Variants in RNF216 observed in about 807,000 individuals in gnomAD.
RNF216 encodes E3 ubiquitin-protein ligase RNF216.
RNF216 carries 72 observed loss-of-function variants against 110.8 expected under a neutral mutation model. The ratio of observed to expected loss-of-function variants is 0.65; its 90% CI spans 0.54 to 0.79. RNF216 has a LOEUF of 0.79. Among genes scored for constraint, RNF216 ranks in the 30% least tolerant of loss-of-function variants. The pLI is 0.00. For synonymous variants in RNF216, 495 were observed against 407.5 expected, an observed-to-expected ratio of 1.21 and a Z score of -2.59; for missense variants, 1,342 against 1,141.2, an observed-to-expected ratio of 1.18 and a Z score of -2.54.
chr7:5,740,221 G>T (rs1794680307), intron 4 of RNF216, among the ~76,000 whole-genome samples: 1 of 148,116 alleles, frequency 6.8e-6, no homozygotes, highest in South Asian at 2.1e-4. Flanking sequence ...CTGCCTCCTG[G>T]GTTCACACCA....
At chr7:5,725,211 T>A in intron 8 of RNF216, 113 bp downstream of exon 8, 1 of 624,052 alleles carries the variant, frequency 1.6e-6, no homozygotes, top group Non-Finnish European at 2.8e-6. Context: ...CTCCTTGGAC[T>A]GGCCTGTCCA....
chr7:5,661,921 A>T (rs1282309094), intron 13 of RNF216, among the ~76,000 whole-genome samples: 1 of 152,210 alleles, frequency 6.6e-6, no homozygotes, highest in Non-Finnish European at 1.5e-5. Context: ...ACTTGCTCTT[A>T]CTCTAGTCCC....
intron 5 of RNF216, among the ~76,000 whole-genome samples, chr7:5,733,953 A>T (rs987498516): frequency 1.7e-4 from 26 of 152,228 alleles, no homozygotes; most frequent in Admixed American, 7.2e-4. Context: ...ATTTTCCTAT[A>T]AACCTAAAAC....
At chr7:5,772,065 C>A (rs1209596942) in intron 1 of RNF216, among the ~76,000 whole-genome samples, 2 of 152,128 alleles carry the variant, frequency 1.3e-5, no homozygotes, top group East Asian at 1.9e-4. Context: ...GAAACCCTGT[C>A]TCTACTAAAA....
intron 7 of RNF216, 104 bp from the exon 8 acceptor site, chr7:5,725,542 C>G (rs1335270867): frequency 4.3e-6 from 3 of 705,790 alleles, no homozygotes; most frequent in African/African-American, 3.6e-5. Context: ...AGCTGTCTAC[C>G]CAGCATGGCT....
At chr7:5,642,513 C>T (rs1217778122) in intron 14 of RNF216, among the ~76,000 whole-genome samples, 1 of 151,322 alleles carries the variant, frequency 6.6e-6, no homozygotes. Context: ...CTGTGCCTGG[C>T]CTATTTTTTT....
At chr7:5,731,813 T>C (rs1183474173) in intron 5 of RNF216, among the ~76,000 whole-genome samples, 1 of 151,416 alleles carries the variant, frequency 6.6e-6, no homozygotes, top group Non-Finnish European at 1.5e-5. Context: ...CCTGTAATAG[T>C]AGAACAGGAG....
intron 14 of RNF216, among the ~76,000 whole-genome samples, chr7:5,642,562 G>A (rs852469): frequency 0.12 from 17,442 of 151,084 alleles, 1,992 homozygotes; most frequent in African/African-American, 0.3. Context: ...GGTTCAAACG[G>A]TTCACATGTC....
chr7:5,764,875 T>C (rs1377756590), intron 1 of RNF216, among the ~76,000 whole-genome samples: 1 of 151,974 alleles, frequency 6.6e-6, no homozygotes, highest in East Asian at 1.9e-4. Context: ...GAGACCAGCC[T>C]GAGCAAACTT....
chr7:5,629,782 G>C (rs1410358922), intron 15 of RNF216, among the ~76,000 whole-genome samples: 3 of 139,510 alleles, frequency 2.2e-5, no homozygotes, highest in Non-Finnish European at 4.6e-5. Context: ...AGCCGAGATG[G>C]TGCCACTGCA....
At chr7:5,715,264 T>C in intron 10 of RNF216, 74 bp from the exon 11 acceptor site, 1 of 1,478,746 alleles carries the variant, frequency 6.8e-7, no homozygotes. Flanking sequence ...CCCATCCTCA[T>C]CTCTCTGCCA....
chr7:5,653,965 A>T (rs1314716873), intron 13 of RNF216, among the ~76,000 whole-genome samples: 1 of 152,268 alleles, frequency 6.6e-6, no homozygotes, highest in Non-Finnish European at 1.5e-5. Flanking sequence ...CTTGAAGGGC[A>T]TGATGAGCAG....
At chr7:5,745,757 G>A (rs182364892) in intron 3 of RNF216, among the ~76,000 whole-genome samples, 141 of 151,956 alleles carry the variant, frequency 9.3e-4, no homozygotes, top group African/African-American at 3.3e-3. Context: ...AAAATCAGCC[G>A]GGTGTGGTGG....
intron 1 of RNF216, among the ~76,000 whole-genome samples, chr7:5,765,839 C>T (rs748785818): frequency 4.6e-5 from 7 of 150,618 alleles, no homozygotes; most frequent in Non-Finnish European, 8.9e-5. Flanking sequence ...GCCTGTAATC[C>T]CAGCTACTCA....
At position 5,624,067 on chromosome 7, in the gene RNF216, C is replaced by T. The variant is rs1360099985; in HGVS notation, c.2441G>A (p.Arg814Lys). 1 of 1,613,676 alleles carries T rather than the reference C, an allele frequency of 6.2e-7. No individual in the cohort carries two copies. Among genetic ancestry groups the T allele is most frequent in the Non-Finnish European group, 8.5e-7 (1 of 1,179,916 alleles). ...IQKEAEEEQK[R>K]KNGENTFKRI... ...GGAGGGGCACTTGCCTCCATTCTTT[C>T]TTTTCTGTTCCTCTTCAGCCTCCTT... The change falls in exon 16 of 17, where the codon AGA becomes AAA. Residue 814 changes from arginine to lysine, a missense_variant. By Grantham distance (26) the Arg-to-Lys change is conservative. Coordinates refer to ENST00000389902, the MANE Select transcript of RNF216 (RefSeq NM_207111.4). The surrounding 1 kb of genome is among the most constrained non-coding windows in gnomAD (Gnocchi z 4.4).
At chr7:5,663,874 G>T (rs1170507812) in intron 13 of RNF216, among the ~76,000 whole-genome samples, 1 of 152,062 alleles carries the variant, frequency 6.6e-6, no homozygotes, top group East Asian at 1.9e-4. Flanking sequence ...CTCCAGCCTG[G>T]GCGACAGAGA....
At position 5,715,074 on chromosome 7, in the gene RNF216, C is replaced by T; in HGVS notation, c.1812G>A (p.Glu604=). The change falls in exon 11 of 17, where the codon GAG becomes GAA. Residue 604 remains glutamate (E), a synonymous_variant. Transcript: ENST00000389902. The stretch of plus-strand genomic sequence containing the variant: ...TTACCTTTCCAGATCCAAAGACTGC[C>T]TCTTGGGCATATCTGATGAGACACT... The part of the protein sequence containing the change: ...CKECLIRYAQ[E]AVFGSGKLEL... 1 of 1,613,614 alleles carries T rather than the reference C, an allele frequency of 6.2e-7. No individual in the cohort carries two copies. Among genetic ancestry groups the T allele is most frequent in the Admixed American group, 1.7e-5 (1 of 60,006 alleles).
At chr7:5,709,708 C>T (rs923871718) in intron 13 of RNF216, among the ~76,000 whole-genome samples, 1 of 152,098 alleles carries the variant, frequency 6.6e-6, no homozygotes, top group African/African-American at 2.4e-5. Context: ...AGTTGATACT[C>T]ACTAGATGCT....
intron 14 of RNF216, among the ~76,000 whole-genome samples, chr7:5,644,444 T>C (rs1787928398): frequency 6.6e-6 from 1 of 152,226 alleles, no homozygotes; most frequent in Admixed American, 6.5e-5. Flanking sequence ...ACGTTCAGCA[T>C]GCTTTCATGT....
Sources: gnomAD v4.1 joint callset for allele counts (sites outside exome capture counted in the v4.1 genomes callset) on GRCh38, gnomAD v4.1.1 for gene constraint, Gnocchi (gnomAD v3.1) non-coding constraint, MANE v1.5 for transcripts, NCBI Gene and HGNC (gene_info 2026-07-23, HGNC 2026-07-21) for gene names.